The following WNK2 variants were observed in gnomAD, a reference collection of about 807,000 sequenced individuals.
WNK2 encodes the protein serine/threonine-protein kinase WNK2.
A neutral mutation model predicts 192.1 loss-of-function variants in WNK2; 67 were observed. The observed-to-expected ratio is 0.35, with a 90% CI of 0.29 to 0.43. The LOEUF (loss-of-function observed/expected upper bound fraction) is 0.43, where lower values mean the gene tolerates loss of function less well. WNK2 is among the 20% of genes least tolerant of loss of function. WNK2 has a pLI of 1.00. For missense variants in WNK2, 2,698 were observed against 3,089.7 expected, an observed-to-expected ratio of 0.87 and a Z score of 3.01; for synonymous variants, 1,439 against 1,393.9, an observed-to-expected ratio of 1.03 and a Z score of -0.72.
chr9:93,292,859 G>A lies in WNK2; in HGVS notation c.5394G>A (p.Glu1798=), dbSNP rs575148211. 17 of 1,492,718 alleles carry A rather than the reference G, an allele frequency of 1.1e-5. No homozygotes were observed. The Admixed American group carries it at 3.7e-4, about 33-fold the overall frequency. The allele number at this position is 1,492,718 out of a possible 1,614,324, so 92.5% of individuals were successfully genotyped here. ...GGGCGCAGACGGCCTCCTCCATCGAGGTCGGCGTGGGCGAGCCCGTGTCCA... is the reference window on the plus strand; with the variant it reads ...GGGCGCAGACGGCCTCCTCCATCGAAGTCGGCGTGGGCGAGCCCGTGTCCA... ...VRRAQTASSI[E]VGVGEPVSSD... The change falls in exon 23 of 30, where the codon GAG becomes GAA. Residue 1798 remains glutamate (E), a synonymous_variant. Coordinates refer to ENST00000427277, the MANE Select transcript of WNK2 (RefSeq NM_006648.4).
rs544162362 is a variant in WNK2, at chr9:93,239,424, T to C, written c.1323-333T>C. On this transcript the variant is annotated intron_variant, in intron 6 of 29. Transcript: ENST00000427277. This position sits in a 1 kb window ranked among gnomAD's most constrained non-coding sequence, Gnocchi z 4.2. ...TGTTTCAGTTGTGTCTTCTGACAAT[T>C]GAAAGCTGGCTAGCACATCCACAGG... is the stretch of plus-strand genomic sequence containing the variant. Among the ~76,000 whole-genome samples, 65 of 152,364 alleles carry C rather than the reference T, an allele frequency of 4.3e-4. No individual in the cohort carries two copies. Among genetic ancestry groups the C allele is most frequent in the Middle Eastern group, 6.8e-3 (2 of 292 alleles).
chr9:93,238,462 G>T (rs573201291), intron 6 of WNK2, 141 bp downstream of exon 6: 15 of 780,112 alleles, frequency 1.9e-5, no homozygotes, highest in Non-Finnish European at 2.8e-5. Flanking sequence ...GTTAGCAGGG[G>T]CTGGTGAGCA....
At chr9:93,317,931 C>A (rs533036047) in intron 29 of WNK2, 38 of 1,604,852 alleles carry the variant, frequency 2.4e-5, no homozygotes, top group African/African-American at 6.7e-5. Flanking sequence ...GAGTCCCCCC[C>A]ACCGCCTGCT....
rs1840321989 is a variant in WNK2 at position 93,239,187 on chromosome 9, G to A, written c.1323-570G>A. 6.6e-6 allele frequency among the ~76,000 whole-genome samples: 1 copy of A among 152,208 alleles called. No individual in the cohort carries two copies. The highest frequency in any genetic ancestry group is 2.4e-5 in the African/African-American group (1 of 41,454). Reference sequence around the variant, plus strand: ...TCCCGGATCCCTGCAAAGAGCCTTCGAGGCTGGGTCTGGCTGGGGCCCCCC... The same window carrying A: ...TCCCGGATCCCTGCAAAGAGCCTTCAAGGCTGGGTCTGGCTGGGGCCCCCC... On this transcript the variant is annotated intron_variant, in intron 6 of 29. Coordinates refer to ENST00000427277, the MANE Select transcript of WNK2 (RefSeq NM_006648.4). This position sits in a 1 kb window ranked among gnomAD's most constrained non-coding sequence, Gnocchi z 4.2.
At chr9:93,211,124 C>A (rs62571719) in intron 2 of WNK2, among the ~76,000 whole-genome samples, 877 of 8,276 alleles carry the variant, frequency 0.11, 24 homozygotes, top group African/African-American at 0.18. Flanking sequence ...TCACTCATCC[C>A]CTCACTTACT....
Position 93,292,315 on chromosome 9 carries a change from G to T in WNK2, c.4944G>T (p.Ser1648=). The change falls in exon 22 of 30, where the codon TCG becomes TCT. Residue 1648 remains serine, a synonymous_variant. Transcript: ENST00000427277. The part of the protein sequence containing the change: ...QGTSSSMTAE[S]SPRSMLGYDR... ...TTTCTGATGTTCCCATAGCAGAGTC[G>T]TCTCCCAGGAGTATGCTAGGCTATG... 3 of 1,613,818 alleles carry T rather than the reference G, an allele frequency of 1.9e-6. No individual in the cohort carries two copies. The highest frequency in any genetic ancestry group is 1.1e-5 in the South Asian group (1 of 91,082).
At chr9:93,265,736 C>G (rs952269313) in intron 16 of WNK2, among the ~76,000 whole-genome samples, 1 of 152,256 alleles carries the variant, frequency 6.6e-6, no homozygotes, top group Non-Finnish European at 1.5e-5. Flanking sequence ...GTGCGGCTGA[C>G]GCTTCCAGTG....
chr9:93,215,475 CA>C (rs2131644136), intron 2 of WNK2, among the ~76,000 whole-genome samples: 1 of 152,320 alleles, frequency 6.6e-6, no homozygotes, highest in Non-Finnish European at 1.5e-5. Context: ...CCCATTTACA[CA>C]TAGGTTGGAC....
intron 29 of WNK2, chr9:93,318,250 G>T: frequency 6.7e-7 from 1 of 1,498,514 alleles, no homozygotes; most frequent in Admixed American, 2.2e-5. Context: ...GATGTGAATG[G>T]TTTACAAATC....
At chr9:93,319,124 C>T in intron 29 of WNK2, 1 of 1,614,164 alleles carries the variant, frequency 6.2e-7, no homozygotes, top group Non-Finnish European at 8.5e-7. Flanking sequence ...CTGTGAATCC[C>T]TTCCTTGTAC....
chr9:93,189,919 A>G (rs6479464), intron 2 of WNK2, among the ~76,000 whole-genome samples: 140,952 of 152,280 alleles, frequency 0.93, 65,353 homozygotes, highest in African/African-American at 0.98. Context: ...AGACGAGGGG[A>G]CGAGCCAGTG....
chr9:93,251,594 T>C (rs1193965920), intron 8 of WNK2, among the ~76,000 whole-genome samples: 1 of 152,124 alleles, frequency 6.6e-6, no homozygotes, highest in Non-Finnish European at 1.5e-5. Flanking sequence ...CCTGTAGTTC[T>C]AGCTACTCAG....
At chr9:93,286,033 T>C (rs1366564413) in intron 19 of WNK2, among the ~76,000 whole-genome samples, 1 of 152,056 alleles carries the variant, frequency 6.6e-6, no homozygotes, top group African/African-American at 2.4e-5. Context: ...CGCTTGTGAA[T>C]CTCAATGTAA....
chr9:93,278,491 G>A (rs1179362744), intron 19 of WNK2, among the ~76,000 whole-genome samples: 1 of 152,264 alleles, frequency 6.6e-6, no homozygotes, highest in East Asian at 1.9e-4. Flanking sequence ...TACAAAAAAG[G>A]CGCTTGCCTC....
chr9:93,256,559 A>G (rs1055516186), intron 10 of WNK2, 105 bp downstream of exon 10: 5 of 1,331,050 alleles, frequency 3.8e-6, no homozygotes, highest in Non-Finnish European at 4.0e-6. Context: ...CCTTCGCTCA[A>G]ATTCTCTGTG....
rs148338803 is a variant in WNK2, at chr9:93,290,422, G to A, written c.4936+375G>A. 8.9e-4 allele frequency among the ~76,000 whole-genome samples: 135 copies of A among 151,640 alleles called. 1 individual carries two copies. The highest frequency in any genetic ancestry group is 3.4e-3 in the Middle Eastern group (1 of 294). On this transcript the variant is annotated intron_variant, in intron 21 of 29. Coordinates refer to ENST00000427277, the MANE Select transcript of WNK2 (RefSeq NM_006648.4). ...AAGACAATTCTTCATCTTCCAATGT[G>A]GTGCAGGGAAGCCAAAAGACTGGAT...
At chr9:93,253,260 G>A (rs1329788043) in intron 9 of WNK2, among the ~76,000 whole-genome samples, 178 bp downstream of exon 9, 1 of 152,002 alleles carries the variant, frequency 6.6e-6, no homozygotes, top group African/African-American at 2.4e-5. Flanking sequence ...CAAAAGCCAG[G>A]CCCAGAGGAA....
chr9:93,318,549 G>A lies in WNK2; in HGVS notation c.6628+918G>A, dbSNP rs185926577. ...GACATGCCCCCCATGCCAGTGGGCT[G>A]CTGTGAGTGAGGATAAGGTGTGTGT... On this transcript the variant is annotated intron_variant, in intron 29 of 29. Transcript: ENST00000427277. The A allele has an allele frequency of 3.2e-5, 51 of 1,614,040 alleles. No individual in the cohort carries two copies. In the Admixed American group the frequency reaches 3.5e-4, roughly 11 times the overall value.
Position 93,184,934 on chromosome 9 carries a change from A to G in WNK2, c.5A>G (p.Asp2Gly). 4 of 1,163,112 alleles carry G rather than the reference A, an allele frequency of 3.4e-6. No individual in the cohort carries two copies. The highest frequency in any genetic ancestry group is 4.2e-6 in the Non-Finnish European group (4 of 946,528). The allele number at this position is 1,163,112 out of a possible 1,614,324, so 72.0% of individuals were successfully genotyped here. A position where few individuals can be genotyped will look rare whatever the true frequency, so the allele number is the denominator to read the frequency against. Residue 2 changes from aspartate (D) to glycine (G), a missense_variant, in exon 2 of 30, where the codon GAC (aspartate) becomes GGC (glycine). Around this residue, in one of 7 missense-constraint regions of WNK2, gnomAD observed 260 missense variants for 285.6 expected, o/e 0.91. Coordinates refer to ENST00000427277, the MANE Select transcript of WNK2 (RefSeq NM_006648.4). ...GTGTGTCCTTGGCCCACAGAGATGG[A>G]CGGCGATGGCGGCCGCCGAGACGTC... The part of the protein sequence containing the change: M[D>G]GDGGRRDVPG...
Sources: allele counts gnomAD v4.1 joint callset (sites outside exome capture counted in the v4.1 genomes callset), GRCh38; gene constraint gnomAD v4.1.1; regional missense constraint gnomAD v4.1.1; non-coding constraint Gnocchi (gnomAD v3.1); transcripts MANE v1.5; gene names NCBI Gene and HGNC (gene_info 2026-07-23, HGNC 2026-07-21).